Variants in FAM240B observed in about 807,000 individuals in gnomAD.
The protein encoded by FAM240B is family with sequence similarity 240 member B.
intron 2 of FAM240B, among the ~76,000 whole-genome samples, chr9:38,702,796 C>T (rs915913663): frequency 9.2e-5 from 14 of 152,186 alleles, no homozygotes; most frequent in South Asian, 2.1e-4. Flanking sequence ...ACTAGTTTTT[C>T]GCACATATAC....
At chr9:38,713,007 G>T (rs10973993) in intron 1 of FAM240B, among the ~76,000 whole-genome samples, 13,520 of 152,180 alleles carry the variant, frequency 0.089, 643 homozygotes, top group Middle Eastern at 0.12. Context: ...AAGATGCTCT[G>T]CAAGGGTCTC....
intron 2 of FAM240B, among the ~76,000 whole-genome samples, chr9:38,696,132 C>T (rs1821065902): frequency 6.6e-6 from 1 of 151,960 alleles, no homozygotes; most frequent in South Asian, 2.1e-4. Flanking sequence ...ATTCTGGAGT[C>T]CTGCTCTGAG....
intron 2 of FAM240B, among the ~76,000 whole-genome samples, chr9:38,697,213 T>A (rs774656962): frequency 5.9e-5 from 9 of 152,218 alleles, no homozygotes; most frequent in Non-Finnish European, 8.8e-5. Flanking sequence ...AGGAGCAAAG[T>A]TGACTGGTGG....
intron 2 of FAM240B, among the ~76,000 whole-genome samples, chr9:38,696,745 C>T (rs772917814): frequency 8.5e-5 from 13 of 152,076 alleles, no homozygotes; most frequent in Admixed American, 2.0e-4. Flanking sequence ...ACTTGGGAGG[C>T]GGAGGTTGCA....
chr9:38,718,952 A>T (rs56255833), intron 1 of FAM240B, among the ~76,000 whole-genome samples: 21,417 of 151,938 alleles, frequency 0.14, 1,606 homozygotes, highest in East Asian at 0.28. Context: ...TATTTTTTTT[A>T]AAAGAGTTTG....
chr9:38,713,481 C>CAAAAAA (rs77404875), intron 1 of FAM240B, among the ~76,000 whole-genome samples: 1,002 of 81,662 alleles, frequency 0.012, 5 homozygotes, highest in Non-Finnish European at 0.014. Flanking sequence ...CCGTTTCAAA[C>CAAAAAA]AAAAAAAAAA....
intron 2 of FAM240B, among the ~76,000 whole-genome samples, chr9:38,696,516 A>G (rs1821070449): frequency 6.6e-6 from 1 of 152,182 alleles, no homozygotes; most frequent in South Asian, 2.1e-4. Flanking sequence ...GAAAGTTGAA[A>G]TACTGTTAGA....
chr9:38,704,867 G>A (rs1265462942), intron 1 of FAM240B, among the ~76,000 whole-genome samples: 1 of 152,220 alleles, frequency 6.6e-6, no homozygotes, highest in African/African-American at 2.4e-5. Flanking sequence ...AAATGCAGGA[G>A]CTGGCATTTG....
chr9:38,710,131 A>G (rs1224289220), intron 1 of FAM240B, among the ~76,000 whole-genome samples: 2 of 152,082 alleles, frequency 1.3e-5, no homozygotes, highest in Non-Finnish European at 2.9e-5. Flanking sequence ...CACCACACCC[A>G]GGTAATTTTT....
chr9:38,717,902 TAAA>T (rs950933979), intron 1 of FAM240B, among the ~76,000 whole-genome samples: 1 of 152,152 alleles, frequency 6.6e-6, no homozygotes, highest in African/African-American at 2.4e-5. Context: ...GGATATGAAA[TAAA>T]GAAGTGTTTC....
At chr9:38,717,334 A>G (rs1001964096) in intron 1 of FAM240B, among the ~76,000 whole-genome samples, 1 of 152,096 alleles carries the variant, frequency 6.6e-6, no homozygotes, top group Non-Finnish European at 1.5e-5. Flanking sequence ...TAATCCCGGC[A>G]TTTTGGGAGG....
intron 1 of FAM240B, among the ~76,000 whole-genome samples, chr9:38,712,801 G>A (rs1257597412): frequency 6.6e-6 from 1 of 151,844 alleles, no homozygotes; most frequent in African/African-American, 2.4e-5. Flanking sequence ...GGGGTAATAA[G>A]GTTTAAATTC....
chr9:38,719,798 A>G (rs1385879842), intron 1 of FAM240B, among the ~76,000 whole-genome samples: 1 of 152,236 alleles, frequency 6.6e-6, no homozygotes, highest in African/African-American at 2.4e-5. Context: ...AAATTTCTGC[A>G]TCATTGACAT....
At chr9:38,714,850 C>T (rs940121733) in intron 1 of FAM240B, among the ~76,000 whole-genome samples, 1 of 152,116 alleles carries the variant, frequency 6.6e-6, no homozygotes, top group Non-Finnish European at 1.5e-5. Context: ...ATAAATGCAA[C>T]GTGGCATCCT....
At position 38,694,555 on chromosome 9, in the gene FAM240B, C is replaced by T. The variant is rs1821044107; in HGVS notation, c.*221G>A. ...CTCTTTTATTAAATAGCCCAAGCGT[C>T]CTATCCCACTTGCGGTCATCCTGTC... On this transcript the variant is annotated 3_prime_UTR_variant, in exon 3 of 3. Coordinates refer to ENST00000637493, the MANE Select transcript of FAM240B (RefSeq NM_001394922.1). 1.0e-5 allele frequency: 4 copies of T among 382,790 alleles called. No individual in the cohort carries two copies. The highest frequency in any genetic ancestry group is 3.7e-5 in the East Asian group (1 of 26,840). The allele number at this position is 382,790 out of a possible 1,614,324, so 23.7% of individuals were successfully genotyped here.
At chr9:38,712,614 C>A (rs139898697) in intron 1 of FAM240B, among the ~76,000 whole-genome samples, 18 of 152,280 alleles carry the variant, frequency 1.2e-4, no homozygotes, top group Non-Finnish European at 2.4e-4. Context: ...TCCAGACCTG[C>A]TGATTTCACA....
chr9:38,711,907 C>T (rs1037877183), intron 1 of FAM240B, among the ~76,000 whole-genome samples: 7 of 152,068 alleles, frequency 4.6e-5, no homozygotes, highest in African/African-American at 1.7e-4. Context: ...CCGCCCGTCT[C>T]GGCCTCCCAA....
At chr9:38,707,856 C>T (rs1204468611) in intron 1 of FAM240B, among the ~76,000 whole-genome samples, 1 of 151,712 alleles carries the variant, frequency 6.6e-6, no homozygotes, top group East Asian at 1.9e-4. Context: ...GTATCTGATG[C>T]ATGCCAGCTC....
chr9:38,711,764 C>T (rs1216076814), intron 1 of FAM240B, among the ~76,000 whole-genome samples: 1 of 151,222 alleles, frequency 6.6e-6, no homozygotes, highest in Non-Finnish European at 1.5e-5. Flanking sequence ...TCAAGCAATT[C>T]TCCTGCCTCA....
Sources: gnomAD v4.1 joint callset for allele counts (sites outside exome capture counted in the v4.1 genomes callset) on GRCh38, gnomAD v4.1.1 for gene constraint, MANE v1.5 for transcripts, NCBI Gene and HGNC (gene_info 2026-07-23, HGNC 2026-07-21) for gene names.